CYP2J2: variants seen among roughly 807,000 people sequenced by gnomAD.
CYP2J2 encodes the protein cytochrome P450 2J2.
A neutral mutation model predicts 48.8 loss-of-function variants in CYP2J2; 41 were observed. The ratio of observed to expected loss-of-function variants is 0.84; its 90% CI spans 0.66 to 1.09. The LOEUF is 1.09. Ranked by LOEUF, CYP2J2 falls within the 50% of genes least tolerant of loss-of-function variation. The probability of loss-of-function intolerance (pLI) is 0.00; values close to 1 mark genes in which losing one functional copy is unlikely to be tolerated. For synonymous variants in CYP2J2, 221 were observed against 227.1 expected (o/e 0.97, Z 0.24); for missense variants, 644 against 617.3 (o/e 1.04, Z -0.46).
At chr1:59,899,713 G>A (rs773165953) in intron 8 of CYP2J2, among the ~76,000 whole-genome samples, 1 of 152,114 alleles carries the variant, frequency 6.6e-6, no homozygotes, top group African/African-American at 2.4e-5. Context: ...TCTATACTTG[G>A]TTAAGCCTCA....
chr1:59,945,753 C>T, the CYP2J2 span, among the ~76,000 whole-genome samples: 5,018 of 152,282 alleles, frequency 0.033, 138 homozygotes, highest in Admixed American at 0.085. Flanking sequence ...CAAACCTGCT[C>T]CTCTCTCTGT....
the CYP2J2 span, among the ~76,000 whole-genome samples, chr1:59,954,698 A>T: frequency 4.7e-4 from 72 of 152,222 alleles, 2 homozygotes; most frequent in South Asian, 0.014. Flanking sequence ...GATCAAACCC[A>T]TGAGTAAATG....
upstream of CYP2J2, among the ~76,000 whole-genome samples, chr1:59,931,187 T>C (rs1010181182): frequency 7.2e-5 from 11 of 152,254 alleles, no homozygotes; most frequent in Admixed American, 5.9e-4. Context: ...GATCAGAGCC[T>C]AGGGAGCAGA....
At chr1:59,968,182 C>G in the CYP2J2 span, among the ~76,000 whole-genome samples, 1 of 152,214 alleles carries the variant, frequency 6.6e-6, no homozygotes, top group African/African-American at 2.4e-5. Context: ...CTGCCTGACT[C>G]TTTCCTTTCC....
chr1:59,918,640 T>G (rs1015451576), intron 1 of CYP2J2, among the ~76,000 whole-genome samples: 3 of 151,778 alleles, frequency 2.0e-5, no homozygotes, highest in African/African-American at 7.3e-5. Context: ...CAGGGCACAC[T>G]TTTCAATTGT....
At chr1:59,912,482 AT>A in intron 2 of CYP2J2, 171 bp from the exon 3 acceptor site, 1 of 636,828 alleles carries the variant, frequency 1.6e-6, no homozygotes, top group Non-Finnish European at 2.6e-6. Context: ...ATATTTACTG[AT>A]TGCTTGCAAT....
At chr1:59,964,024 A>G in the CYP2J2 span, among the ~76,000 whole-genome samples, 1 of 152,238 alleles carries the variant, frequency 6.6e-6, no homozygotes, top group Non-Finnish European at 1.5e-5. Context: ...GAGACTACTG[A>G]TGACAGTCTG....
chr1:59,905,194 C>T (rs574400562), intron 6 of CYP2J2, 136 bp from the exon 7 acceptor site: 2 of 863,580 alleles, frequency 2.3e-6, no homozygotes, highest in South Asian at 1.8e-5. Context: ...GGTTCTTAAC[C>T]TTTTGAAAGG....
the CYP2J2 span, among the ~76,000 whole-genome samples, chr1:59,965,620 T>C: frequency 3.3e-5 from 5 of 152,144 alleles, no homozygotes; most frequent in Non-Finnish European, 5.9e-5. Context: ...GTGGTGTACT[T>C]GGTGCTGTGG....
chr1:59,909,769 CTT>C lies in CYP2J2; in HGVS notation c.861+13_861+14del. 1 of 1,560,592 alleles carries C rather than the reference CTT, an allele frequency of 6.4e-7. No homozygotes were observed. The highest frequency in any genetic ancestry group is 8.6e-7 in the Non-Finnish European group (1 of 1,158,544). On this transcript the variant is annotated intron_variant, in intron 5 of 8. Coordinates refer to ENST00000371204, the MANE Select transcript of CYP2J2 (RefSeq NM_000775.4). ...GCTCTAAGAACAAAATACAAAATGACTTTGGTTTTCTCACCTTTGACATTTCT... is the reference window on the plus strand; with the variant it reads ...GCTCTAAGAACAAAATACAAAATGACTGGTTTTCTCACCTTTGACATTTCT...
At chr1:59,904,184 A>C (rs1442470802) in intron 7 of CYP2J2, among the ~76,000 whole-genome samples, 1 of 152,120 alleles carries the variant, frequency 6.6e-6, no homozygotes, top group Non-Finnish European at 1.5e-5. Context: ...CATCCTGGCC[A>C]ACCAACATGG....
At position 59,907,845 on chromosome 1, in the gene CYP2J2, G is replaced by A. The variant is rs763590997; in HGVS notation, c.944C>T (p.Thr315Ile). Residue 315 changes from threonine to isoleucine, a missense_variant, in exon 6 of 9, where the codon ACA becomes ATA. Thr to Ile is a moderately conservative substitution (Grantham distance 89). Transcript: ENST00000371204. ...TLDLFFAGTE[T>I]TSTTLRWALL... is the part of the protein sequence containing the mutation. Reference sequence around the variant, plus strand: ...AGCCCATCGCAGAGTTGTGGAAGTTGTCTCGGTTCCGGCAAAGAAGAGGTC... The same window carrying A: ...AGCCCATCGCAGAGTTGTGGAAGTTATCTCGGTTCCGGCAAAGAAGAGGTC... The A allele has an allele frequency of 6.2e-7, 1 of 1,614,118 alleles. No individual in the cohort carries two copies. The highest frequency in any genetic ancestry group is 1.1e-5 in the South Asian group (1 of 91,080).
rs751141265 is a variant in CYP2J2, at chr1:59,911,709, T to C, written c.583A>G (p.Ile195Val). The C allele has an allele frequency of 6.2e-7, 1 of 1,613,718 alleles. No individual in the cohort carries two copies. Among genetic ancestry groups the C allele is most frequent in the Non-Finnish European group, 8.5e-7 (1 of 1,179,720 alleles). Residue 195 changes from isoleucine (I) to valine (V), a missense_variant, in exon 4 of 9, where the codon ATC becomes GTC. Ile to Val is a conservative substitution (Grantham distance 29). Coordinates refer to ENST00000371204, the MANE Select transcript of CYP2J2 (RefSeq NM_000775.4). ...NNAVSNIICSITFGERFEYQD... is the reference protein window; with the variant it reads ...NNAVSNIICSVTFGERFEYQD... ...TACTCAAAGCGTTCTCCGAAGGTGA[T>C]GGAGCAAATGATATTGGAAACTGCA... is the stretch of plus-strand genomic sequence containing the variant.
In CYP2J2 at chr1:59,905,005, T is replaced by C; in HGVS notation, c.1057A>G (p.Thr353Ala). 2 of 1,614,084 alleles carry C rather than the reference T, an allele frequency of 1.2e-6. No homozygotes were observed. Among genetic ancestry groups the C allele is most frequent in the African/African-American group, 1.3e-5 (1 of 75,040 alleles). Reference sequence around the variant, plus strand: ...TAGGGCATGGACTCCCGGGCGGCTGTGCTCGGCTGCTGCCCCTGGCCAATC... The same window carrying C: ...TAGGGCATGGACTCCCGGGCGGCTGCGCTCGGCTGCTGCCCCTGGCCAATC... ...RVIGQGQQPS[T>A]AARESMPYTN... Residue 353 changes from threonine to alanine, a missense_variant, in exon 7 of 9, where the codon ACA (threonine) becomes GCA (alanine). Thr to Ala is a moderately conservative substitution (Grantham distance 58, BLOSUM62 0). Transcript: ENST00000371204.
chr1:59,929,630 A>G (rs1409278209), upstream of CYP2J2, among the ~76,000 whole-genome samples: 1 of 152,224 alleles, frequency 6.6e-6, no homozygotes, highest in African/African-American at 2.4e-5. Flanking sequence ...GAAATTTTAA[A>G]AATCACTATA....
chr1:59,926,404 T>C, intron 1 of CYP2J2, 133 bp downstream of exon 1: 1 of 712,206 alleles, frequency 1.4e-6, no homozygotes, highest in Non-Finnish European at 2.5e-6. Context: ...AAGTGGGTTT[T>C]ACCAGGTTAC....
At chr1:59,947,927 C>A in the CYP2J2 span, among the ~76,000 whole-genome samples, 53 of 152,178 alleles carry the variant, frequency 3.5e-4, no homozygotes, top group African/African-American at 1.3e-3. Context: ...TATCTGTAAC[C>A]CTTGTGTCTC....
chr1:59,955,491 A>AG, the CYP2J2 span, among the ~76,000 whole-genome samples: 1 of 152,038 alleles, frequency 6.6e-6, no homozygotes, highest in East Asian at 1.9e-4. Flanking sequence ...CATTTTGACG[A>AG]GGAGCAGGAT....
At chr1:59,904,120 C>G (rs1644344459) in intron 7 of CYP2J2, among the ~76,000 whole-genome samples, 1 of 152,116 alleles carries the variant, frequency 6.6e-6, no homozygotes, top group African/African-American at 2.4e-5. Flanking sequence ...CACCTGTAAT[C>G]CCAGCACTTT....
Sources: allele counts gnomAD v4.1 joint callset (sites outside exome capture counted in the v4.1 genomes callset), GRCh38; gene constraint gnomAD v4.1.1; transcripts MANE v1.5; gene names NCBI Gene and HGNC (gene_info 2026-07-23, HGNC 2026-07-21).